Variants in RHPN2 observed in about 807,000 individuals in gnomAD.
RHPN2 encodes rhophilin-2.
A neutral mutation model predicts 79.0 loss-of-function variants in RHPN2; 40 were observed. The observed-to-expected ratio is 0.51, with a 90% CI of 0.39 to 0.66. The LOEUF (loss-of-function observed/expected upper bound fraction) is 0.66, where lower values mean the gene tolerates loss of function less well. RHPN2 is among the 30% of genes least tolerant of loss of function. RHPN2 has a pLI of 0.00. For synonymous variants in RHPN2, 285 were observed against 363.5 expected (o/e 0.78, Z 2.46); for missense variants, 686 against 883.5 (o/e 0.78, Z 2.83).
rs538440897 is a variant in RHPN2 at position 33,058,945 on chromosome 19, A to T, written c.69+5839T>A. Among the ~76,000 whole-genome samples the T allele has an allele frequency of 5.3e-5, 8 of 152,206 alleles. No homozygotes were observed. The South Asian group carries it at 1.7e-3, about 32-fold the overall frequency. On this transcript the variant is annotated intron_variant, in intron 1 of 14. Coordinates refer to ENST00000254260, the MANE Select transcript of RHPN2 (RefSeq NM_033103.5). ...AACCCTGTCTCTACTAAAAAATACA[A>T]TTAGCCGGGCATGGTGGCGCACATC...
At chr19:32,990,357 TGA>T in intron 14 of RHPN2, 155 bp downstream of exon 14, 1 of 797,664 alleles carries the variant, frequency 1.3e-6, no homozygotes, top group Admixed American at 2.2e-5. Flanking sequence ...TGACCCAAGG[TGA>T]GCACATTACA....
At chr19:33,003,959 G>A (rs1032589285) in intron 7 of RHPN2, among the ~76,000 whole-genome samples, 4 of 152,152 alleles carry the variant, frequency 2.6e-5, no homozygotes, top group African/African-American at 9.7e-5. Context: ...AGGGTTGCTT[G>A]ACATTAAGAG....
chr19:33,029,167 C>T (rs6510330), intron 2 of RHPN2, among the ~76,000 whole-genome samples: 13,903 of 151,538 alleles, frequency 0.092, 836 homozygotes, highest in African/African-American at 0.17. Flanking sequence ...AATAAACTTA[C>T]TAAGAAGCCA....
At chr19:33,019,288 T>G (rs1170984823) in intron 4 of RHPN2, among the ~76,000 whole-genome samples, 1 of 150,092 alleles carries the variant, frequency 6.7e-6, no homozygotes, top group African/African-American at 2.5e-5. Context: ...TTACGAAAAA[T>G]ACAAAAATTA....
intron 2 of RHPN2, among the ~76,000 whole-genome samples, chr19:33,029,504 C>A (rs561563319): frequency 7.5e-6 from 1 of 133,812 alleles, no homozygotes; most frequent in Non-Finnish European, 1.5e-5. Context: ...CCAGCCTGGG[C>A]GACAGAGCGA....
At chr19:33,024,634 G>A (rs924218488) in intron 3 of RHPN2, among the ~76,000 whole-genome samples, 7 of 151,576 alleles carry the variant, frequency 4.6e-5, no homozygotes, top group East Asian at 1.9e-4. Context: ...CCCAAATCCC[G>A]GGAGCTATTT....
At chr19:33,031,194 TTATTC>T (rs938486123) in intron 2 of RHPN2, among the ~76,000 whole-genome samples, 4 of 145,876 alleles carry the variant, frequency 2.7e-5, no homozygotes, top group African/African-American at 1.0e-4. Flanking sequence ...GTTCAGAATT[TTATTC>T]TATTCTATTC....
chr19:33,026,252 C>T (rs1256013583), intron 3 of RHPN2, among the ~76,000 whole-genome samples: 1 of 151,952 alleles, frequency 6.6e-6, no homozygotes, highest in Non-Finnish European at 1.5e-5. Context: ...GTTGGGATTA[C>T]GGGAGTGAGC....
intron 10 of RHPN2, among the ~76,000 whole-genome samples, chr19:32,998,545 G>A (rs573281448): frequency 6.6e-6 from 1 of 152,084 alleles, no homozygotes; most frequent in East Asian, 1.9e-4. Flanking sequence ...TACTCAGGAG[G>A]CTGAGGCAGG....
At chr19:33,027,113 AGC>A (rs775519693) in intron 2 of RHPN2, 1 of 257,006 alleles carries the variant, frequency 3.9e-6, no homozygotes, top group East Asian at 8.8e-5. Context: ...TACAAAAACT[AGC>A]TGGGTGTGGT....
At chr19:33,022,461 C>T (rs1210915081) in intron 3 of RHPN2, among the ~76,000 whole-genome samples, 2 of 152,124 alleles carry the variant, frequency 1.3e-5, no homozygotes, top group African/African-American at 4.8e-5. Context: ...ATAGGGGCCT[C>T]TTCTTTGGGA....
At chr19:32,995,485 C>G (rs1971693406) in intron 11 of RHPN2, among the ~76,000 whole-genome samples, 1 of 152,136 alleles carries the variant, frequency 6.6e-6, no homozygotes, top group Non-Finnish European at 1.5e-5. Context: ...CAGGCTCGGA[C>G]TACCCTTAAC....
intron 3 of RHPN2, among the ~76,000 whole-genome samples, chr19:33,024,754 AAAG>A (rs1217737973): frequency 1.3e-5 from 2 of 152,156 alleles, no homozygotes; most frequent in Non-Finnish European, 2.9e-5. Flanking sequence ...TTCTCCTTAA[AAAG>A]AAGCATTTCG....
chr19:33,064,741 C>A, intron 1 of RHPN2, 43 bp downstream of exon 1: 1 of 1,510,674 alleles, frequency 6.6e-7, no homozygotes, highest in Non-Finnish European at 8.8e-7. Flanking sequence ...GAAAGGAGGT[C>A]TGGAGCCCGC....
intron 1 of RHPN2, among the ~76,000 whole-genome samples, chr19:33,054,866 T>TTA (rs1247613376): frequency 6.6e-6 from 1 of 152,196 alleles, no homozygotes; most frequent in Non-Finnish European, 1.5e-5. Flanking sequence ...ATTTACAGTG[T>TTA]TATAGTTCAT....
intron 2 of RHPN2, among the ~76,000 whole-genome samples, chr19:33,038,479 A>T (rs1209467208): frequency 2.0e-5 from 3 of 151,954 alleles, no homozygotes; most frequent in Non-Finnish European, 4.4e-5. Flanking sequence ...AATTTTATTT[A>T]TTTATTATTT....
intron 2 of RHPN2, among the ~76,000 whole-genome samples, chr19:33,036,116 C>CA (rs111475142): frequency 0.038 from 3,534 of 92,994 alleles, 150 homozygotes; most frequent in African/African-American, 0.13. Flanking sequence ...GACTCCATCT[C>CA]AAAAAAAAAA....
At chr19:33,040,618 G>A (rs1266476235) in intron 2 of RHPN2, among the ~76,000 whole-genome samples, 1 of 152,116 alleles carries the variant, frequency 6.6e-6, no homozygotes, top group African/African-American at 2.4e-5. Context: ...TCTCAAGGGA[G>A]GGAAGCTGGG....
chr19:33,048,656 G>A (rs557054343), intron 1 of RHPN2, among the ~76,000 whole-genome samples: 5 of 139,110 alleles, frequency 3.6e-5, no homozygotes, highest in African/African-American at 1.1e-4. Context: ...AACCCGGGAG[G>A]CAGAGGTTGC....
Sources: allele counts gnomAD v4.1 joint callset (sites outside exome capture counted in the v4.1 genomes callset), GRCh38; gene constraint gnomAD v4.1.1; transcripts MANE v1.5; gene names NCBI Gene and HGNC (gene_info 2026-07-23, HGNC 2026-07-21).